The following CDYL variants were observed in gnomAD, a reference collection of about 807,000 sequenced individuals.
CDYL encodes chromodomain Y like.
A neutral mutation model predicts 47.3 loss-of-function variants in CDYL; 8 were observed. The observed-to-expected ratio is 0.17, with a 90% CI of 0.10 to 0.31. CDYL has a LOEUF of 0.31. Ranked by LOEUF, CDYL falls within the 10% of genes least tolerant of loss-of-function variation. The probability of loss-of-function intolerance (pLI) is 1.00; values close to 1 mark genes in which losing one functional copy is unlikely to be tolerated. For missense variants in CDYL, 471 were observed against 701.4 expected (o/e 0.67, Z 3.71); for synonymous variants, 266 against 265.0 (o/e 1.00, Z -0.04).
chr6:4,833,199 T>A (rs1173374814), intron 1 of CDYL, among the ~76,000 whole-genome samples: 2 of 146,482 alleles, frequency 1.4e-5, no homozygotes, highest in African/African-American at 2.7e-5. Flanking sequence ...TGCTTTCTCT[T>A]GTGGGCATTT....
At chr6:4,770,998 T>C (rs1251214518) in intron 3 of CDYL, among the ~76,000 whole-genome samples, 1 of 152,208 alleles carries the variant, frequency 6.6e-6, no homozygotes, top group Non-Finnish European at 1.5e-5. Context: ...TAAATATTTG[T>C]GTATATGTAT....
At chr6:4,763,114 C>A (rs2127423522) in intron 3 of CDYL, among the ~76,000 whole-genome samples, 1 of 152,198 alleles carries the variant, frequency 6.6e-6, no homozygotes, top group Middle Eastern at 3.4e-3. Flanking sequence ...AAGTAGGAGA[C>A]TATAAAATAT....
intron 1 of CDYL, 45 bp from the exon 2 acceptor site, chr6:4,891,668 C>A (rs752657919): frequency 3.3e-6 from 5 of 1,494,216 alleles, no homozygotes; most frequent in East Asian, 4.8e-5. Flanking sequence ...CTTTTCCCCC[C>A]AAATTTTGAT....
chr6:4,872,185 A>G (rs901469792), intron 1 of CDYL, among the ~76,000 whole-genome samples: 3 of 152,078 alleles, frequency 2.0e-5, no homozygotes, highest in Admixed American at 6.5e-5. Flanking sequence ...TAGTTTTTCA[A>G]CACTAAGGTA....
chr6:4,752,455 G>A (rs898237780), intron 3 of CDYL, among the ~76,000 whole-genome samples: 4 of 152,036 alleles, frequency 2.6e-5, no homozygotes, highest in African/African-American at 9.7e-5. Flanking sequence ...CATAACTTCG[G>A]GAAAGAAGAA....
intron 1 of CDYL, among the ~76,000 whole-genome samples, chr6:4,836,700 T>A (rs538549037): frequency 6.6e-6 from 1 of 152,316 alleles, no homozygotes; most frequent in Non-Finnish European, 1.5e-5. Flanking sequence ...AGAAAAGAAC[T>A]GTTTATATTG....
At chr6:4,940,966 A>G (rs1429139730) in intron 4 of CDYL, among the ~76,000 whole-genome samples, 2 of 152,170 alleles carry the variant, frequency 1.3e-5, no homozygotes, top group Non-Finnish European at 2.9e-5. Context: ...CTTCTCCCCA[A>G]ACGTTCCTTT....
chr6:4,805,759 G>T (rs1215184599), intron 1 of CDYL, among the ~76,000 whole-genome samples: 2 of 152,190 alleles, frequency 1.3e-5, no homozygotes, highest in Non-Finnish European at 2.9e-5. Context: ...CTACCTCTTT[G>T]TTCTCTCCAG....
Position 4,712,158 on chromosome 6 carries a change from C to T in CDYL, c.-38-3583C>T, listed in dbSNP as rs1222468699. On this transcript the variant is annotated intron_variant, in intron 1 of 8. Coordinates refer to the CDYL transcript ENST00000328908. ...TGAGGGAAAAGCAACCTTTATAAAC[C>T]AATGTCAAGCCAGGACAGGCAGAAA... 5.3e-5 allele frequency among the ~76,000 whole-genome samples: 8 copies of T among 152,116 alleles called. No individual in the cohort carries two copies. In the South Asian group the frequency reaches 1.0e-3, roughly 20 times the overall value.
chr6:4,732,846 T>G (rs927695510), intron 2 of CDYL, among the ~76,000 whole-genome samples: 3 of 151,974 alleles, frequency 2.0e-5, no homozygotes, highest in African/African-American at 7.3e-5. Flanking sequence ...CAGGCAGAGA[T>G]AGGAGGATTA....
chr6:4,845,003 A>G (rs947358450), intron 1 of CDYL, among the ~76,000 whole-genome samples: 20 of 152,212 alleles, frequency 1.3e-4, no homozygotes, highest in African/African-American at 4.8e-4. Flanking sequence ...CCAATCAAAA[A>G]TAGAAGGGCC....
intron 1 of CDYL, among the ~76,000 whole-genome samples, chr6:4,780,564 C>T (rs1201075567): frequency 1.3e-5 from 2 of 151,896 alleles, no homozygotes; most frequent in African/African-American, 4.8e-5. Context: ...TCACTGCACC[C>T]GGCCTTCCCT....
At chr6:4,828,599 A>G (rs1247080604) in intron 1 of CDYL, among the ~76,000 whole-genome samples, 2 of 152,008 alleles carry the variant, frequency 1.3e-5, no homozygotes, top group African/African-American at 4.8e-5. Flanking sequence ...CTCAGTGTGG[A>G]TCTTTTTGAG....
intron 1 of CDYL, among the ~76,000 whole-genome samples, chr6:4,706,792 A>T (rs1757054320): frequency 6.6e-6 from 1 of 152,178 alleles, no homozygotes; most frequent in South Asian, 2.1e-4. Context: ...GTCGTAAAAT[A>T]AATAAAATAA....
intron 2 of CDYL, among the ~76,000 whole-genome samples, chr6:4,931,763 A>G (rs1758039798): frequency 6.6e-6 from 1 of 152,184 alleles, no homozygotes; most frequent in Non-Finnish European, 1.5e-5. Flanking sequence ...ACAAGATCAC[A>G]GAGTCTGAAA....
rs374778862 is a variant in CDYL, at chr6:4,736,867, A to G, written c.186+2023A>G. 5.3e-5 allele frequency among the ~76,000 whole-genome samples: 8 copies of G among 152,274 alleles called. No homozygotes were observed. The East Asian group carries it at 1.3e-3, about 26-fold the overall frequency. On this transcript the variant is annotated intron_variant, in intron 3 of 8. Coordinates refer to the CDYL transcript ENST00000328908. ...CTTAATTCAACAAATTACATCTATC[A>G]TGTTTCAAGTGCTTTGTTTATCGAT... is the stretch of plus-strand genomic sequence containing the variant.
At chr6:4,907,716 G>A (rs1164566403) in intron 2 of CDYL, among the ~76,000 whole-genome samples, 7 of 152,122 alleles carry the variant, frequency 4.6e-5, no homozygotes, top group Admixed American at 3.9e-4. Flanking sequence ...AAAACTGATC[G>A]CAAAACCGGA....
chr6:4,753,219 G>A (rs576363299), intron 3 of CDYL, among the ~76,000 whole-genome samples: 33 of 152,224 alleles, frequency 2.2e-4, no homozygotes, highest in African/African-American at 7.7e-4. Flanking sequence ...CCTAATATGT[G>A]TATTTTTAAT....
chr6:4,771,420 T>C (rs183448078), upstream of CDYL, among the ~76,000 whole-genome samples: 1 of 152,294 alleles, frequency 6.6e-6, no homozygotes, highest in African/African-American at 2.4e-5. Context: ...AGCTGAGTGT[T>C]TGCACTTTGA....
Sources: allele counts gnomAD v4.1 joint callset (sites outside exome capture counted in the v4.1 genomes callset), GRCh38; gene constraint gnomAD v4.1.1; transcripts MANE v1.5; gene names NCBI Gene and HGNC (gene_info 2026-07-23, HGNC 2026-07-21).